The following E2F5 variants were observed in gnomAD, a reference collection of about 807,000 sequenced individuals.
The protein encoded by E2F5 is E2F transcription factor 5, also known as transcription factor E2F5.
E2F5 carries 23 observed loss-of-function variants against 39.1 expected under a neutral mutation model. That is an observed-to-expected ratio of 0.59 (90% CI 0.42 to 0.83). The LOEUF (loss-of-function observed/expected upper bound fraction) is 0.83. Among genes scored for constraint, E2F5 ranks in the 40% least tolerant of loss-of-function variants. The probability of loss-of-function intolerance (pLI) is 0.00; values close to 1 mark genes in which losing one functional copy is unlikely to be tolerated. For missense variants in E2F5, 365 were observed against 406.7 expected, an observed-to-expected ratio of 0.90 and a Z score of 0.88; for synonymous variants, 145 against 157.8, an observed-to-expected ratio of 0.92 and a Z score of 0.61.
intron 1 of E2F5, among the ~76,000 whole-genome samples, chr8:85,199,711 G>A (rs944250337): frequency 1.3e-5 from 2 of 152,144 alleles, no homozygotes; most frequent in African/African-American, 2.4e-5. Flanking sequence ...TCTTACCCAC[G>A]ATCCGTTTCA....
intron 1 of E2F5, among the ~76,000 whole-genome samples, chr8:85,189,203 A>C (rs1812409743): frequency 6.6e-6 from 1 of 152,176 alleles, no homozygotes; most frequent in African/African-American, 2.4e-5. Context: ...CCTAAAATAC[A>C]ATTACTGAAG....
intron 3 of E2F5, among the ~76,000 whole-genome samples, chr8:85,203,821 A>G (rs983153360): frequency 6.8e-6 from 1 of 148,088 alleles, no homozygotes; most frequent in Non-Finnish European, 1.5e-5. Context: ...AATACATATA[A>G]TATCATATAT....
At chr8:85,201,133 T>C (rs1278982761) in intron 1 of E2F5, among the ~76,000 whole-genome samples, 7 of 152,188 alleles carry the variant, frequency 4.6e-5, no homozygotes, top group Non-Finnish European at 1.5e-5. Flanking sequence ...GGAAGGCAGG[T>C]CCAGATTGCA....
chr8:85,194,153 CATTT>C (rs1264268089), intron 1 of E2F5, among the ~76,000 whole-genome samples: 1 of 151,864 alleles, frequency 6.6e-6, no homozygotes, highest in Non-Finnish European at 1.5e-5. Context: ...ATATATGTAA[CATTT>C]ATAAGTTCCC....
intron 1 of E2F5, among the ~76,000 whole-genome samples, chr8:85,195,159 T>C (rs1222904592): frequency 1.3e-5 from 2 of 151,676 alleles, no homozygotes; most frequent in African/African-American, 4.8e-5. Flanking sequence ...CCGAGGTGGG[T>C]GGATCATGAG....
chr8:85,212,348 C>A, intron 7 of E2F5, 144 bp downstream of exon 7: 1 of 614,354 alleles, frequency 1.6e-6, no homozygotes. Context: ...TTAACACTTA[C>A]AGTAAGTAAT....
At chr8:85,197,857 G>C (rs912891506) in intron 1 of E2F5, among the ~76,000 whole-genome samples, 1 of 152,140 alleles carries the variant, frequency 6.6e-6, no homozygotes, top group African/African-American at 2.4e-5. Context: ...AACTGTCCAG[G>C]GCTGGAGGAA....
At chr8:85,186,740 G>C (rs574420276) in intron 1 of E2F5, among the ~76,000 whole-genome samples, 27 of 146,086 alleles carry the variant, frequency 1.8e-4, no homozygotes, top group African/African-American at 6.8e-4. Flanking sequence ...TATATATAAG[G>C]TATATATATG....
chr8:85,181,041 C>T (rs1321800721), intron 1 of E2F5, among the ~76,000 whole-genome samples: 4 of 151,834 alleles, frequency 2.6e-5, no homozygotes. Context: ...TTATGCCTGG[C>T]TTATTTTTAT....
At chr8:85,200,353 G>T in intron 1 of E2F5, 1 of 822,388 alleles carries the variant, frequency 1.2e-6, no homozygotes, top group Non-Finnish European at 1.4e-6. Context: ...TACTTAAATA[G>T]TAAAGTATTT....
intron 1 of E2F5, among the ~76,000 whole-genome samples, chr8:85,201,543 A>G (rs1459372838): frequency 6.6e-6 from 1 of 152,348 alleles, no homozygotes; most frequent in East Asian, 1.9e-4. Context: ...TTTTTGTATA[A>G]TAGTTGCTAG....
chr8:85,206,095 A>C (rs1465426185), intron 3 of E2F5, 82 bp from the exon 4 acceptor site: 1 of 1,328,452 alleles, frequency 7.5e-7, no homozygotes. Flanking sequence ...TCATTTAGTT[A>C]TTTTGACCTT....
In E2F5 at chr8:85,214,254, T is replaced by C. The variant is rs1161395259; in HGVS notation, c.*392T>C. ...TTTTACTGCCACTAAACTGCCTGTA[T>C]TTCTGTATGTCCTTCTATCCAAACA... On this transcript the variant is annotated 3_prime_UTR_variant, in exon 8 of 8. Coordinates refer to ENST00000416274, the MANE Select transcript of E2F5 (RefSeq NM_001951.4). 1.8e-6 allele frequency: 1 copy of C among 557,194 alleles called. No individual in the cohort carries two copies. Among genetic ancestry groups the C allele is most frequent in the African/African-American group, 1.9e-5 (1 of 53,776 alleles). The allele number at this position is 557,194 out of a possible 1,614,324, so 34.5% of individuals were successfully genotyped here.
rs1812859298 is a variant in E2F5, at chr8:85,209,045, G to C, written c.616-97G>C. The C allele has an allele frequency of 2.5e-6, 3 of 1,218,308 alleles. No homozygotes were observed. The African/African-American group carries it at 4.6e-5, about 19-fold the overall frequency. 75.5% of individuals were successfully genotyped at this position (1,218,308 alleles called of 1,614,324 possible). ...GACTTTATTGTGTTATGTGAATTTA[G>C]TAAGTCCCTAATAGCTTTGCCTGTC... is the stretch of plus-strand genomic sequence containing the variant. On this transcript the variant is annotated intron_variant, in intron 5 of 7. Coordinates refer to ENST00000416274, the MANE Select transcript of E2F5 (RefSeq NM_001951.4).
intron 1 of E2F5, chr8:85,178,238 A>C (rs1020884539): frequency 1.3e-5 from 2 of 151,450 alleles, no homozygotes; most frequent in Non-Finnish European, 2.9e-5. Context: ...TTCCTTGTGC[A>C]CTTCTTTCAT....
At position 85,179,984 on chromosome 8, in the gene E2F5, C is replaced by A. The variant is rs142031773; in HGVS notation, c.234+2330C>A. Among the ~76,000 whole-genome samples, 10 of 148,876 alleles carry A rather than the reference C, an allele frequency of 6.7e-5. No homozygotes were observed. The East Asian group carries it at 2.1e-3, about 31-fold the overall frequency. ...CAAAAATCTTACATTGAAATCTTTC[C>A]AATGATATTTCTTATTATACACCAT... On this transcript the variant is annotated intron_variant, in intron 1 of 7. Coordinates refer to ENST00000416274, the MANE Select transcript of E2F5 (RefSeq NM_001951.4).
chr8:85,195,847 TTAA>T (rs1425711382), intron 1 of E2F5, among the ~76,000 whole-genome samples: 4 of 152,194 alleles, frequency 2.6e-5, no homozygotes, highest in Non-Finnish European at 4.4e-5. Flanking sequence ...TCTCTAGATC[TTAA>T]TAATTTATAG....
At chr8:85,207,000 G>T (rs1236687401) in intron 4 of E2F5, among the ~76,000 whole-genome samples, 2 of 152,148 alleles carry the variant, frequency 1.3e-5, no homozygotes, top group Non-Finnish European at 2.9e-5. Context: ...ACTCAACAGA[G>T]ATTTGTTGTA....
At chr8:85,197,846 C>T (rs988496509) in intron 1 of E2F5, among the ~76,000 whole-genome samples, 10 of 152,152 alleles carry the variant, frequency 6.6e-5, no homozygotes, top group African/African-American at 2.4e-4. Context: ...TGTACCCAGG[C>T]AACTGTCCAG....
Sources: allele counts gnomAD v4.1 joint callset (sites outside exome capture counted in the v4.1 genomes callset), GRCh38; gene constraint gnomAD v4.1.1; transcripts MANE v1.5; gene names NCBI Gene and HGNC (gene_info 2026-07-23, HGNC 2026-07-21).